The following EPHA8 variants were observed in gnomAD, a reference collection of about 807,000 sequenced individuals.
The protein encoded by EPHA8 is ephrin type-A receptor 8.
A neutral mutation model predicts 103.6 loss-of-function variants in EPHA8; 58 were observed. The observed-to-expected ratio is 0.56, with a 90% CI of 0.45 to 0.70. The LOEUF is 0.70. Among genes scored for constraint, EPHA8 ranks in the 30% least tolerant of loss-of-function variants. The pLI is 0.00. For missense variants in EPHA8, 1,304 were observed against 1,395.2 expected (o/e 0.93, Z 1.04); for synonymous variants, 559 against 572.5 (o/e 0.98, Z 0.34).
rs1457490044 is a variant in EPHA8, at chr1:22,576,904, T to TG, written c.823+27dup. On this transcript the variant is annotated intron_variant, in intron 3 of 16. Coordinates refer to ENST00000166244, the MANE Select transcript of EPHA8 (RefSeq NM_020526.5). The surrounding 1 kb of genome is among the most constrained non-coding windows in gnomAD (Gnocchi z 4.8). ...GGGTGAGCGCGCCATGGCCTGGGCA[T>TG]GGGTCAGCCGGCAGCGGTGCTTGGT... The TG allele has an allele frequency of 3.8e-6, 6 of 1,559,008 alleles. No homozygotes were observed.
intron 4 of EPHA8, among the ~76,000 whole-genome samples, chr1:22,588,629 G>A (rs957032615): frequency 3.3e-5 from 5 of 151,554 alleles, no homozygotes; most frequent in African/African-American, 1.2e-4. Context: ...CTGATGGGTG[G>A]GGGGGATGGG....
intron 1 of EPHA8, among the ~76,000 whole-genome samples, chr1:22,568,411 G>A (rs530722732): frequency 2.6e-5 from 4 of 152,158 alleles, no homozygotes; most frequent in East Asian, 1.9e-4. Flanking sequence ...TCTGTTTCTC[G>A]GGCCCGAGCA....
intron 4 of EPHA8, among the ~76,000 whole-genome samples, 176 bp from the exon 5 acceptor site, chr1:22,588,695 A>G (rs531379742): frequency 1.3e-5 from 2 of 152,222 alleles, no homozygotes; most frequent in Admixed American, 1.3e-4. Flanking sequence ...GATGGCAGAG[A>G]CACAAACTCT....
Position 22,602,052 on chromosome 1 carries a change from A to ATG in EPHA8, c.*322_*323dup, listed in dbSNP as rs150990371. The stretch of plus-strand genomic sequence containing the variant: ...CACTCGCCTGCCTCTGTGTGCGTGC[A>ATG]TGTGTGTGTGTGGTGGGGGGTGTTC... On this transcript the variant is annotated 3_prime_UTR_variant, in exon 17 of 17. Coordinates refer to ENST00000166244, the MANE Select transcript of EPHA8 (RefSeq NM_020526.5). 1.2e-4 allele frequency: 57 copies of ATG among 487,726 alleles called. No homozygotes were observed. Among genetic ancestry groups the ATG allele is most frequent in the African/African-American group, 3.1e-4 (15 of 49,172 alleles). The allele number at this position is 487,726 out of a possible 1,614,324, so 30.2% of individuals were successfully genotyped here. A position where few individuals can be genotyped will look rare whatever the true frequency, so the allele number is the denominator to read the frequency against.
chr1:22,583,157 C>T (rs932087971), intron 3 of EPHA8, among the ~76,000 whole-genome samples: 1 of 152,230 alleles, frequency 6.6e-6, no homozygotes, highest in Non-Finnish European at 1.5e-5. Flanking sequence ...CGGCCCAACA[C>T]CCGGGCACGT....
chr1:22,565,787 G>A (rs1271852603), intron 1 of EPHA8, among the ~76,000 whole-genome samples: 2 of 152,170 alleles, frequency 1.3e-5, no homozygotes, highest in African/African-American at 4.8e-5. Flanking sequence ...AGGTGGGGAA[G>A]TCTGTGTCCA....
chr1:22,585,056 C>CTGTGTGTGTGT (rs1557568113), intron 3 of EPHA8, among the ~76,000 whole-genome samples: 1 of 86,636 alleles, frequency 1.2e-5, no homozygotes, highest in African/African-American at 7.4e-5. Flanking sequence ...TGTGTGCGCA[C>CTGTGTGTGTGT]GCGTGTGTCT....
chr1:22,600,081 AAGGG>A (rs1345177336), intron 13 of EPHA8, among the ~76,000 whole-genome samples: 45 of 88,618 alleles, frequency 5.1e-4, no homozygotes, highest in African/African-American at 1.4e-3. Context: ...GGGAGGAAGG[AAGGG>A]AGGGAGGGAG....
At chr1:22,595,668 G>T (rs919050449) in intron 8 of EPHA8, among the ~76,000 whole-genome samples, 2 of 152,202 alleles carry the variant, frequency 1.3e-5, no homozygotes, top group African/African-American at 4.8e-5. Flanking sequence ...ACAGGATAGT[G>T]TGTGGGCTTG....
chr1:22,598,225 C>T lies in EPHA8; in HGVS notation c.2178+13C>T, dbSNP rs1053388937. The T allele has an allele frequency of 6.2e-7, 1 of 1,611,990 alleles. No homozygotes were observed. The highest frequency in any genetic ancestry group is 8.5e-7 in the Non-Finnish European group (1 of 1,179,372). On this transcript the variant is annotated intron_variant, in intron 12 of 16. Coordinates refer to ENST00000166244, the MANE Select transcript of EPHA8 (RefSeq NM_020526.5). The surrounding 1 kb of genome is among the most constrained non-coding windows in gnomAD (Gnocchi z 5.1). ...CACCTTCCTGAGGGTGCGTGTCCCA[C>T]CCCTGCCTCTTGCATGGGCTTGGGG...
Position 22,598,082 on chromosome 1 carries a change from T to C in EPHA8, c.2117-69T>C, listed in dbSNP as rs1641573932. ...CACAGGTCCTGAGATGGTGGTATGC[T>C]CCTGGGGTCTCTGATCAGCAGCCCT... On this transcript the variant is annotated intron_variant, in intron 11 of 16. Transcript: ENST00000166244. This position sits in a 1 kb window ranked among gnomAD's most constrained non-coding sequence, Gnocchi z 5.1. 2.0e-5 allele frequency: 31 copies of C among 1,547,390 alleles called. No homozygotes were observed. In the South Asian group the frequency reaches 3.0e-4, roughly 15 times the overall value.
rs767109730 is a variant in EPHA8, at chr1:22,589,168, G to A, written c.1277G>A (p.Arg426His). The A allele has an allele frequency of 1.9e-5, 31 of 1,613,710 alleles. No homozygotes were observed. Among genetic ancestry groups the A allele is most frequent in the African/African-American group, 6.7e-5 (5 of 74,934 alleles). ...NGVSDLSPEP[R>H]RAAVVNITTN... Reference sequence around the variant, plus strand: ...GTGTCCGACCTGAGCCCCGAGCCCCGCCGGGCCGCTGTGGTCAACATCACC... The same window carrying A: ...GTGTCCGACCTGAGCCCCGAGCCCCACCGGGCCGCTGTGGTCAACATCACC... The change falls in exon 5 of 17, where the codon CGC becomes CAC. Residue 426 changes from arginine to histidine, a missense_variant. Transcript: ENST00000166244. The surrounding 1 kb of genome is among the most constrained non-coding windows in gnomAD (Gnocchi z 4.3).
At chr1:22,578,045 GCATGTGTGTGCATGTGTGCATGAGTA>G (rs1640798173) in intron 3 of EPHA8, among the ~76,000 whole-genome samples, 1 of 129,382 alleles carries the variant, frequency 7.7e-6, no homozygotes, top group Non-Finnish European at 1.6e-5. Context: ...GTATGTATGT[GCATGTGTGTGCATGTGTGCATGAGTA>G]TGTATGCATG....
In EPHA8 at chr1:22,589,487, T is replaced by C; in HGVS notation, c.1315+281T>C. The C allele has an allele frequency of 6.9e-7, 1 of 1,458,348 alleles. No homozygotes were observed. Among genetic ancestry groups the C allele is most frequent in the Non-Finnish European group, 9.0e-7 (1 of 1,112,744 alleles). The allele number at this position is 1,458,348 out of a possible 1,614,324, so 90.3% of individuals were successfully genotyped here. The stretch of plus-strand genomic sequence containing the variant: ...AGAACTTTCCCTCTCTGTGCCTCAG[T>C]TTCCTCCCTGGTGCAATGGGAATAA... On this transcript the variant is annotated intron_variant, in intron 5 of 16. Coordinates refer to ENST00000166244, the MANE Select transcript of EPHA8 (RefSeq NM_020526.5). The surrounding 1 kb of genome is among the most constrained non-coding windows in gnomAD (Gnocchi z 4.3).
chr1:22,600,043 AGTG>A (rs1641666184), intron 13 of EPHA8, among the ~76,000 whole-genome samples: 1 of 89,808 alleles, frequency 1.1e-5, no homozygotes, highest in Admixed American at 1.4e-4. Flanking sequence ...GGAGGGAGGG[AGTG>A]GAGGAGGAAG....
Position 22,596,120 on chromosome 1 carries a change from G to A in EPHA8, c.1712G>A (p.Ser571Asn), listed in dbSNP as rs1164990116. The part of the protein sequence containing the change: ...LICKKRHCGY[S>N]KAFQDSDEEK... Reference sequence around the variant, plus strand: ...CTCCTCTGCAGGCACTGTGGCTACAGCAAGGCCTTCCAGGACTCGGACGAG... The same window carrying A: ...CTCCTCTGCAGGCACTGTGGCTACAACAAGGCCTTCCAGGACTCGGACGAG... Residue 571 changes from serine to asparagine, a missense_variant, in exon 9 of 17, where the codon AGC becomes AAC. Transcript: ENST00000166244. 6.2e-7 allele frequency: 1 copy of A among 1,613,950 alleles called. No homozygotes were observed. Among genetic ancestry groups the A allele is most frequent in the South Asian group, 1.1e-5 (1 of 91,080 alleles).
chr1:22,597,240 C>A lies in EPHA8; in HGVS notation c.1766-72C>A. On this transcript the variant is annotated intron_variant, in intron 9 of 16. Transcript: ENST00000166244. The surrounding 1 kb of genome is among the most constrained non-coding windows in gnomAD (Gnocchi z 4.6). ...CCCCTCACCCCACCCCAGACCCATC[C>A]CAGGCCCAGGGAATGTCAGGAAAAA... 3 of 1,294,472 alleles carry A rather than the reference C, an allele frequency of 2.3e-6. No individual in the cohort carries two copies. Among genetic ancestry groups the A allele is most frequent in the African/African-American group, 1.5e-5 (1 of 68,894 alleles). 80.2% of individuals were successfully genotyped at this position (1,294,472 alleles called of 1,614,324 possible). A position where few individuals can be genotyped will look rare whatever the true frequency, so the allele number is the denominator to read the frequency against.
At chr1:22,575,868 C>T (rs1203484514) in intron 2 of EPHA8, among the ~76,000 whole-genome samples, 1 of 152,152 alleles carries the variant, frequency 6.6e-6, no homozygotes, top group Non-Finnish European at 1.5e-5. Context: ...AGTTCTCCCA[C>T]TCTAAGAAAG....
chr1:22,564,584 C>T (rs1278122792), intron 1 of EPHA8, among the ~76,000 whole-genome samples: 1 of 151,816 alleles, frequency 6.6e-6, no homozygotes, highest in Non-Finnish European at 1.5e-5. Flanking sequence ...TCGTTGGGAC[C>T]AAAAAGGTCT....
Sources: allele counts gnomAD v4.1 joint callset (sites outside exome capture counted in the v4.1 genomes callset), GRCh38; gene constraint gnomAD v4.1.1; non-coding constraint Gnocchi (gnomAD v3.1); transcripts MANE v1.5; gene names NCBI Gene and HGNC (gene_info 2026-07-23, HGNC 2026-07-21).